Variants in NALF1 observed in about 807,000 individuals in gnomAD.
NALF1 encodes NALCN channel auxiliary factor 1, also known as family with sequence similarity 155 member A.
Under a neutral mutation model 48.4 loss-of-function variants are expected in NALF1, and 3 were observed. The observed-to-expected ratio is 0.06, with a 90% CI of 0.03 to 0.16. The LOEUF is 0.16. Ranked by LOEUF, NALF1 falls within the 10% of genes least tolerant of loss-of-function variation. The pLI is 1.00. For missense variants in NALF1, 526 were observed against 571.5 expected (o/e 0.92, Z 0.81); for synonymous variants, 262 against 245.7 (o/e 1.07, Z -0.62).
At chr13:107,438,203 C>A (rs745645642) in intron 1 of NALF1, among the ~76,000 whole-genome samples, 163 of 151,994 alleles carry the variant, frequency 1.1e-3, no homozygotes, top group Non-Finnish European at 2.0e-3. Context: ...GTCAAATGTT[C>A]CTTAAGAAAG....
At chr13:107,812,168 A>T (rs904549849) in intron 1 of NALF1, among the ~76,000 whole-genome samples, 1 of 152,182 alleles carries the variant, frequency 6.6e-6, no homozygotes, top group Non-Finnish European at 1.5e-5. Flanking sequence ...CATTTCACCT[A>T]GATGTATGTT....
chr13:107,470,777 T>C (rs1885087764), intron 1 of NALF1, among the ~76,000 whole-genome samples: 1 of 152,108 alleles, frequency 6.6e-6, no homozygotes, highest in Non-Finnish European at 1.5e-5. Flanking sequence ...AGATAATGAT[T>C]TTATATAGTC....
intron 1 of NALF1, among the ~76,000 whole-genome samples, chr13:107,223,178 T>C (rs1428857882): frequency 6.6e-6 from 1 of 152,164 alleles, no homozygotes; most frequent in East Asian, 1.9e-4. Flanking sequence ...CAAAGAAAGA[T>C]TTAGATATGT....
intron 1 of NALF1, among the ~76,000 whole-genome samples, chr13:107,559,300 G>A (rs1877574911): frequency 6.6e-6 from 1 of 152,094 alleles, no homozygotes; most frequent in Admixed American, 6.5e-5. Flanking sequence ...ATCTTTCATT[G>A]CTCGCTTATG....
chr13:107,319,000 T>C (rs1411324337), intron 1 of NALF1, among the ~76,000 whole-genome samples: 1 of 152,100 alleles, frequency 6.6e-6, no homozygotes, highest in Non-Finnish European at 1.5e-5. Context: ...CGTATGATTG[T>C]CCAGAAAATT....
At chr13:107,319,269 TG>T (rs961395164) in intron 1 of NALF1, among the ~76,000 whole-genome samples, 4 of 152,024 alleles carry the variant, frequency 2.6e-5, no homozygotes, top group African/African-American at 9.7e-5. Context: ...CTGGTGAACG[TG>T]GGACAGAAGA....
intron 1 of NALF1, among the ~76,000 whole-genome samples, chr13:107,396,100 T>C (rs1274756244): frequency 6.6e-6 from 1 of 152,142 alleles, no homozygotes; most frequent in African/African-American, 2.4e-5. Context: ...TGGTACGAGC[T>C]CTTTAATTGG....
At chr13:107,174,350 TA>T (rs1555324617) in intron 2 of NALF1, among the ~76,000 whole-genome samples, 2 of 29,552 alleles carry the variant, frequency 6.8e-5, no homozygotes, top group Admixed American at 5.4e-4. Context: ...TATTTTTATT[TA>T]TTTATTTATT....
At chr13:107,383,975 T>A (rs1332732287) in intron 1 of NALF1, among the ~76,000 whole-genome samples, 1 of 152,190 alleles carries the variant, frequency 6.6e-6, no homozygotes, top group Non-Finnish European at 1.5e-5. Flanking sequence ...TAAGCCAGGT[T>A]TGGTGGTTCA....
intron 1 of NALF1, among the ~76,000 whole-genome samples, chr13:107,256,406 G>C (rs1880815766): frequency 6.6e-6 from 1 of 152,158 alleles, no homozygotes; most frequent in Non-Finnish European, 1.5e-5. Flanking sequence ...ATCAGGGCTT[G>C]ACTTATGATT....
At chr13:107,769,047 C>A (rs1437357703) in intron 1 of NALF1, among the ~76,000 whole-genome samples, 18 of 150,698 alleles carry the variant, frequency 1.2e-4, no homozygotes, top group African/African-American at 4.4e-4. Context: ...ACAACAGGTG[C>A]TGGAGAGGAT....
intron 2 of NALF1, among the ~76,000 whole-genome samples, chr13:107,193,972 C>CATCT (rs1485436928): frequency 6.6e-6 from 1 of 152,066 alleles, no homozygotes; most frequent in Non-Finnish European, 1.5e-5. Context: ...ACCACCAATA[C>CATCT]ATCTTTATAT....
intron 1 of NALF1, among the ~76,000 whole-genome samples, chr13:107,764,165 T>C (rs1056752498): frequency 4.6e-5 from 7 of 152,134 alleles, no homozygotes; most frequent in African/African-American, 1.7e-4. Flanking sequence ...AGGCAACATA[T>C]TTAGATATTG....
chr13:107,420,742 C>A (rs1594053767), intron 1 of NALF1, among the ~76,000 whole-genome samples: 1 of 152,256 alleles, frequency 6.6e-6, no homozygotes, highest in East Asian at 1.9e-4. Flanking sequence ...AGTACATGTG[C>A]AATTTTGTTA....
intron 2 of NALF1, among the ~76,000 whole-genome samples, chr13:107,188,291 C>T (rs986789529): frequency 6.6e-6 from 1 of 152,088 alleles, no homozygotes; most frequent in Non-Finnish European, 1.5e-5. Flanking sequence ...AAAACATCAT[C>T]AGGATCCAAA....
chr13:107,645,279 A>T (rs1880285655), intron 1 of NALF1, among the ~76,000 whole-genome samples: 1 of 152,104 alleles, frequency 6.6e-6, no homozygotes, highest in African/African-American at 2.4e-5. Flanking sequence ...TTTTCATTTT[A>T]ACCAATCTGA....
intron 1 of NALF1, among the ~76,000 whole-genome samples, chr13:107,716,336 G>A (rs138279018): frequency 6.8e-4 from 103 of 152,284 alleles, no homozygotes; most frequent in African/African-American, 2.4e-3. Context: ...AAAAACGTCT[G>A]AGCATGTTTT....
intron 1 of NALF1, among the ~76,000 whole-genome samples, chr13:107,470,466 G>A (rs945232289): frequency 1.3e-5 from 2 of 152,192 alleles, no homozygotes; most frequent in African/African-American, 2.4e-5. Flanking sequence ...GGGAAGTCAC[G>A]AAGTTTTCTT....
In NALF1 at chr13:107,262,769, G is replaced by GCGCGCGCTCTCTCTCTCTCT. The variant is rs36027059; in HGVS notation, c.916-52015_916-52014insAGAGAGAGAGAGAGCGCGCG. On this transcript the variant is annotated intron_variant, in intron 1 of 2. Transcript: ENST00000375915. The stretch of plus-strand genomic sequence containing the variant: ...ATATTAAGTTGCATAACCCACAGGC[G>GCGCGCGCTCTCTCTCTCTCT]CTCTCTCTCTCTCTCTCTCTCTCTC... 2.9e-3 allele frequency among the ~76,000 whole-genome samples: 418 copies of GCGCGCGCTCTCTCTCTCTCT among 144,078 alleles called. 2 individuals carry two copies. The highest frequency in any genetic ancestry group is 5.5e-3 in the African/African-American group (208 of 37,784). The allele number at this position is 144,078 out of a possible 152,430, so 94.5% of individuals were successfully genotyped here.
Sources: allele counts gnomAD v4.1 joint callset (sites outside exome capture counted in the v4.1 genomes callset), GRCh38; gene constraint gnomAD v4.1.1; transcripts MANE v1.5; gene names NCBI Gene and HGNC (gene_info 2026-07-23, HGNC 2026-07-21).